The following RAB11FIP2 variants were observed in gnomAD, a reference collection of about 807,000 sequenced individuals.
RAB11FIP2 encodes the protein rab11 family-interacting protein 2.
RAB11FIP2 carries 16 observed loss-of-function variants against 40.9 expected under a neutral mutation model. The observed-to-expected ratio is 0.39, with a 90% CI of 0.26 to 0.59. The LOEUF is 0.59. Among genes scored for constraint, RAB11FIP2 ranks in the 20% least tolerant of loss-of-function variants. The probability of loss-of-function intolerance (pLI) is 0.53; values close to 1 mark genes in which losing one functional copy is unlikely to be tolerated. For missense variants in RAB11FIP2, 532 were observed against 606.2 expected, an observed-to-expected ratio of 0.88 and a Z score of 1.28; for synonymous variants, 228 against 213.7, an observed-to-expected ratio of 1.07 and a Z score of -0.58.
intron 4 of RAB11FIP2, among the ~76,000 whole-genome samples, chr10:118,014,207 A>C (rs143459316): frequency 6.6e-6 from 1 of 152,206 alleles, no homozygotes; most frequent in Non-Finnish European, 1.5e-5. Flanking sequence ...CATCCTAAAA[A>C]ATAGTGATAT....
At chr10:118,028,709 T>C (rs1013310178) in intron 3 of RAB11FIP2, among the ~76,000 whole-genome samples, 16 of 152,120 alleles carry the variant, frequency 1.1e-4, no homozygotes, top group Non-Finnish European at 1.2e-4. Context: ...ATGTAAGAAA[T>C]AGAAGTTATC....
intron 3 of RAB11FIP2, among the ~76,000 whole-genome samples, chr10:118,036,896 G>GT (rs1156359232): frequency 6.6e-6 from 1 of 151,972 alleles, no homozygotes; most frequent in Non-Finnish European, 1.5e-5. Context: ...TTTAAAACCC[G>GT]TAACAGCCCA....
chr10:118,042,653 T>C (rs138016411), intron 1 of RAB11FIP2, among the ~76,000 whole-genome samples: 438 of 152,290 alleles, frequency 2.9e-3, no homozygotes, highest in African/African-American at 0.01. Context: ...TAAATGTTTA[T>C]TCAATTTTTA....
chr10:118,039,993 T>G (rs1262497704), intron 2 of RAB11FIP2, 130 bp downstream of exon 2: 24 of 815,954 alleles, frequency 2.9e-5, no homozygotes, highest in Non-Finnish European at 4.3e-5. Flanking sequence ...GTACTCAATA[T>G]TTGATGAATG....
chr10:118,037,459 T>C (rs927041376), intron 3 of RAB11FIP2, among the ~76,000 whole-genome samples: 2 of 152,132 alleles, frequency 1.3e-5, no homozygotes, highest in African/African-American at 2.4e-5. Flanking sequence ...TGATTGTTAA[T>C]ACTCTATTTG....
At chr10:118,020,435 G>C (rs914602714) in intron 3 of RAB11FIP2, among the ~76,000 whole-genome samples, 20 of 152,298 alleles carry the variant, frequency 1.3e-4, no homozygotes, top group Admixed American at 3.3e-4. Context: ...TGCCCCTCCT[G>C]CTCCACTCTG....
At chr10:118,032,738 G>C (rs1846429966) in intron 3 of RAB11FIP2, among the ~76,000 whole-genome samples, 3 of 152,014 alleles carry the variant, frequency 2.0e-5, no homozygotes, top group African/African-American at 7.2e-5. Context: ...GTTTTAATTT[G>C]CGTGTCCTTC....
intron 3 of RAB11FIP2, among the ~76,000 whole-genome samples, chr10:118,036,453 G>T (rs1039687504): frequency 4.6e-5 from 7 of 152,076 alleles, no homozygotes; most frequent in African/African-American, 1.7e-4. Context: ...GATACTGGGA[G>T]GAAAAATAGA....
At chr10:118,042,125 C>T (rs181530738) in intron 1 of RAB11FIP2, among the ~76,000 whole-genome samples, 2 of 151,986 alleles carry the variant, frequency 1.3e-5, no homozygotes, top group East Asian at 1.9e-4. Context: ...ACACATCTGA[C>T]GAACAGTAGC....
intron 3 of RAB11FIP2, among the ~76,000 whole-genome samples, chr10:118,028,573 A>G (rs947547842): frequency 1.6e-4 from 24 of 152,162 alleles, no homozygotes; most frequent in Non-Finnish European, 3.2e-4. Context: ...CCTGTATTTC[A>G]AAAGTTAAAG....
chr10:118,026,671 T>C (rs944738693), intron 3 of RAB11FIP2, among the ~76,000 whole-genome samples: 2 of 152,218 alleles, frequency 1.3e-5, no homozygotes, highest in African/African-American at 2.4e-5. Context: ...GTTTATGAAA[T>C]TGTCACCATG....
intron 1 of RAB11FIP2, among the ~76,000 whole-genome samples, chr10:118,044,508 C>T (rs931597015): frequency 6.6e-5 from 10 of 152,204 alleles, no homozygotes; most frequent in African/African-American, 2.4e-4. Context: ...ATTCAAATCA[C>T]TGATATATAT....
chr10:118,037,752 G>A (rs182541225), intron 3 of RAB11FIP2, among the ~76,000 whole-genome samples: 18 of 152,002 alleles, frequency 1.2e-4, no homozygotes, highest in Middle Eastern at 3.4e-3. Flanking sequence ...CTTCTATTAC[G>A]TGGTAAACAC....
chr10:118,014,127 T>TA (rs1447786281), intron 4 of RAB11FIP2, among the ~76,000 whole-genome samples: 1 of 152,100 alleles, frequency 6.6e-6, no homozygotes, highest in African/African-American at 2.4e-5. Context: ...ATTTTAAAGA[T>TA]AAACAACTGC....
rs140447425 is a variant in RAB11FIP2, at chr10:118,046,149, C to T, written c.15G>A (p.Glu5=). Residue 5 remains glutamate (E), a synonymous_variant, in exon 1 of 5, where the codon GAG becomes GAA. Coordinates refer to ENST00000355624, the MANE Select transcript of RAB11FIP2 (RefSeq NM_014904.3). ...GGGTTGGAAACCACTTTTGGGCTTG[C>T]TCGGACAGCATCATCCTGTCCTGTT... MMLS[E]QAQKWFPTHV... is the part of the protein sequence containing the mutation. The T allele has an allele frequency of 4.2e-4, 673 of 1,613,772 alleles. No homozygotes were observed. Among genetic ancestry groups the T allele is most frequent in the Non-Finnish European group, 5.3e-4 (628 of 1,179,838 alleles).
At position 118,005,653 on chromosome 10, in the gene RAB11FIP2, GAT is replaced by G. The variant is rs1846083061; in HGVS notation, c.*3343_*3344del. 6.6e-6 allele frequency: 1 copy of G among 152,006 alleles called. No homozygotes were observed. Among genetic ancestry groups the G allele is most frequent in the Non-Finnish European group, 1.5e-5 (1 of 67,996 alleles). 9.4% of individuals were successfully genotyped at this position (152,006 alleles called of 1,614,324 possible). ...ATGAACATCAAAAAAGTTTCAGCTT[GAT>G]TTACAAATCCAAGGTAAATTGCTTC... On this transcript the variant is annotated 3_prime_UTR_variant, in exon 5 of 5. Coordinates refer to ENST00000355624, the MANE Select transcript of RAB11FIP2 (RefSeq NM_014904.3).
chr10:118,040,441 T>A lies in RAB11FIP2; in HGVS notation c.478A>T (p.Thr160Ser). Reference protein sequence around the residue: ...SMFDLSMKDKTRSPFAKLKDK... With the variant: ...SMFDLSMKDKSRSPFAKLKDK... ...TTTAACTTTGCAAAAGGAGATCTGG[T>A]TTTGTCCTTCATTGATAAGTCAAAC... Residue 160 changes from threonine to serine, a missense_variant, in exon 2 of 5, where the codon ACC becomes TCC. By Grantham distance (58) the Thr-to-Ser change is moderately conservative. Transcript: ENST00000355624. 6.2e-7 allele frequency: 1 copy of A among 1,613,758 alleles called. No homozygotes were observed. Among genetic ancestry groups the A allele is most frequent in the Non-Finnish European group, 8.5e-7 (1 of 1,179,672 alleles).
At chr10:118,012,307 G>A (rs569710889) in intron 4 of RAB11FIP2, among the ~76,000 whole-genome samples, 6 of 151,230 alleles carry the variant, frequency 4.0e-5, no homozygotes, top group South Asian at 2.1e-4. Flanking sequence ...TAAATTTTCC[G>A]TTTGTCCTTT....
intron 3 of RAB11FIP2, among the ~76,000 whole-genome samples, chr10:118,031,906 T>C (rs1306637984): frequency 1.3e-5 from 2 of 152,006 alleles, no homozygotes; most frequent in African/African-American, 2.4e-5. Flanking sequence ...GAGTCACAAA[T>C]AGAAGGTCGG....
Sources: allele counts gnomAD v4.1 joint callset (sites outside exome capture counted in the v4.1 genomes callset), GRCh38; gene constraint gnomAD v4.1.1; transcripts MANE v1.5; gene names NCBI Gene and HGNC (gene_info 2026-07-23, HGNC 2026-07-21).